Variants in CDKAL1 observed in about 807,000 individuals in gnomAD.
The protein encoded by CDKAL1 is CDKAL1 threonylcarbamoyladenosine tRNA methylthiotransferase, also known as threonylcarbamoyladenosine tRNA methylthiotransferase.
In CDKAL1, 32 loss-of-function variants were observed where a neutral mutation model predicts 68.2. The ratio of observed to expected loss-of-function variants is 0.47; its 90% confidence interval spans 0.35 to 0.63. CDKAL1 has a LOEUF of 0.63. CDKAL1 is among the 30% of genes least tolerant of loss of function. CDKAL1 has a pLI of 0.00. For missense variants in CDKAL1, 606 were observed against 696.7 expected, an observed-to-expected ratio of 0.87 and a Z score of 1.47; for synonymous variants, 234 against 244.3, an observed-to-expected ratio of 0.96 and a Z score of 0.39.
At chr6:21,036,833 T>C (rs1483266398) in intron 11 of CDKAL1, among the ~76,000 whole-genome samples, 1 of 152,194 alleles carries the variant, frequency 6.6e-6, no homozygotes, top group African/African-American at 2.4e-5. Context: ...GTGACATCTG[T>C]CAATTCATCA....
chr6:21,045,360 C>T (rs1770166945), intron 11 of CDKAL1, among the ~76,000 whole-genome samples: 1 of 152,182 alleles, frequency 6.6e-6, no homozygotes, highest in Admixed American at 6.5e-5. Context: ...ATCAGTGCTA[C>T]TTTCTAGACC....
In CDKAL1 at chr6:20,865,406, C is replaced by T. The variant is rs891366450; in HGVS notation, c.742+19228C>T. On this transcript the variant is annotated intron_variant, in intron 9 of 15. Coordinates refer to ENST00000274695, the MANE Select transcript of CDKAL1 (RefSeq NM_017774.3). The stretch of plus-strand genomic sequence containing the variant: ...GAATGGTGGCCCTGACAATATTTCC[C>T]CAGACCTCAGTTTCGTTGTCCATAG... Among the ~76,000 whole-genome samples, 3 of 152,162 alleles carry T rather than the reference C, an allele frequency of 2.0e-5. No homozygotes were observed. In the East Asian group the frequency reaches 5.8e-4, roughly 29 times the overall value.
intron 12 of CDKAL1, among the ~76,000 whole-genome samples, chr6:21,091,832 A>C (rs1440704190): frequency 1.3e-5 from 2 of 148,464 alleles, no homozygotes; most frequent in African/African-American, 5.0e-5. Context: ...ATACTTGACA[A>C]ATGCAGCAAC....
At chr6:20,610,891 G>C (rs1196794934) in intron 4 of CDKAL1, among the ~76,000 whole-genome samples, 2 of 152,118 alleles carry the variant, frequency 1.3e-5, no homozygotes, top group Non-Finnish European at 2.9e-5. Flanking sequence ...TTAGAGACAG[G>C]ATCTTGAACT....
rs1778615310 is a variant in CDKAL1 at position 21,199,770 on chromosome 6, A to C, written c.1384-1340A>C. 1.3e-5 allele frequency among the ~76,000 whole-genome samples: 2 copies of C among 152,216 alleles called. 1 individual carries two copies. The highest frequency in any genetic ancestry group is 4.1e-4 in the South Asian group (2 of 4,830). On this transcript the variant is annotated intron_variant, in intron 14 of 15. Coordinates refer to ENST00000274695, the MANE Select transcript of CDKAL1 (RefSeq NM_017774.3). ...GGTCTAGAGATTTTCTTATTTTATA[A>C]AAACTGATTTAAATGGGCTTTTTAT...
intron 15 of CDKAL1, among the ~76,000 whole-genome samples, chr6:21,221,903 C>A (rs148879522): frequency 5.3e-5 from 8 of 152,214 alleles, no homozygotes; most frequent in African/African-American, 1.9e-4. Flanking sequence ...GGGCAGATGC[C>A]AAGCTTTGTT....
chr6:20,560,055 A>G (rs547562161), intron 4 of CDKAL1, among the ~76,000 whole-genome samples: 4 of 152,274 alleles, frequency 2.6e-5, no homozygotes, highest in South Asian at 2.1e-4. Flanking sequence ...TTGGCCTTCA[A>G]TTTAAAATTG....
At chr6:20,566,845 G>A (rs964075722) in intron 4 of CDKAL1, among the ~76,000 whole-genome samples, 5 of 152,040 alleles carry the variant, frequency 3.3e-5, no homozygotes, top group African/African-American at 1.2e-4. Context: ...ATAGATGGGA[G>A]AACTCAACTG....
chr6:21,104,555 T>C (rs1295982939), intron 12 of CDKAL1, among the ~76,000 whole-genome samples: 9 of 151,876 alleles, frequency 5.9e-5, no homozygotes, highest in Non-Finnish European at 1.2e-4. Flanking sequence ...TCAGATTGGC[T>C]ATGGGGCCAT....
intron 4 of CDKAL1, among the ~76,000 whole-genome samples, chr6:20,591,971 A>G (rs1473203989): frequency 1.3e-5 from 2 of 152,120 alleles, no homozygotes; most frequent in South Asian, 2.1e-4. Context: ...TAGTATGGCC[A>G]TTTTCATGAT....
At chr6:20,850,997 T>G (rs1758979116) in intron 9 of CDKAL1, among the ~76,000 whole-genome samples, 1 of 138,260 alleles carries the variant, frequency 7.2e-6, no homozygotes. Context: ...TGTATATAAA[T>G]TACATCTTAC....
intron 12 of CDKAL1, among the ~76,000 whole-genome samples, chr6:21,086,820 G>A (rs1330396237): frequency 6.6e-6 from 1 of 152,068 alleles, no homozygotes; most frequent in African/African-American, 2.4e-5. Flanking sequence ...TAGAAGACAG[G>A]AGAAAAACAG....
chr6:20,682,426 T>C lies in CDKAL1; in HGVS notation c.371+33049T>C, dbSNP rs77861137. Among the ~76,000 whole-genome samples, 1,440 of 152,238 alleles carry C rather than the reference T, an allele frequency of 9.5e-3. 15 individuals carry two copies. The highest frequency in any genetic ancestry group is 0.032 in the African/African-American group (1,349 of 41,546). ...TTTAATTGACCCAGGGTTCCACAGCTGGTATAGGAAGCATGGCTGGAGAGG... is the reference window on the plus strand; with the variant it reads ...TTTAATTGACCCAGGGTTCCACAGCCGGTATAGGAAGCATGGCTGGAGAGG... On this transcript the variant is annotated intron_variant, in intron 5 of 15. Transcript: ENST00000274695.
intron 9 of CDKAL1, among the ~76,000 whole-genome samples, chr6:20,947,622 A>G (rs1012541274): frequency 1.6e-4 from 24 of 152,104 alleles, no homozygotes; most frequent in Non-Finnish European, 7.4e-5. Context: ...AAGAAAGAAA[A>G]GAAAAAGAAA....
intron 5 of CDKAL1, among the ~76,000 whole-genome samples, chr6:20,703,470 C>A (rs566905181): frequency 6.6e-6 from 1 of 152,194 alleles, no homozygotes; most frequent in Non-Finnish European, 1.5e-5. Context: ...AAACCCAACT[C>A]TTTTATGTGC....
chr6:21,102,582 T>C (rs950285836), intron 12 of CDKAL1, among the ~76,000 whole-genome samples: 1 of 152,196 alleles, frequency 6.6e-6, no homozygotes, highest in African/African-American at 2.4e-5. Context: ...TTTGTTGTTT[T>C]CATCTTGCAC....
At chr6:21,228,456 T>TA (rs1779833582) in intron 15 of CDKAL1, among the ~76,000 whole-genome samples, 1 of 152,168 alleles carries the variant, frequency 6.6e-6, no homozygotes, top group Non-Finnish European at 1.5e-5. Context: ...ACACCACACT[T>TA]ATAAAGTGAT....
intron 9 of CDKAL1, among the ~76,000 whole-genome samples, chr6:20,920,311 G>A (rs567533144): frequency 1.3e-5 from 2 of 152,226 alleles, no homozygotes; most frequent in Admixed American, 6.5e-5. Flanking sequence ...AGTAAGAAGT[G>A]CAGACTGAGT....
intron 14 of CDKAL1, among the ~76,000 whole-genome samples, chr6:21,198,677 G>T (rs1298268270): frequency 6.6e-6 from 1 of 152,200 alleles, no homozygotes; most frequent in African/African-American, 2.4e-5. Flanking sequence ...CAACTGTGCA[G>T]ACCAGTGTGA....
Sources: allele counts gnomAD v4.1 joint callset (sites outside exome capture counted in the v4.1 genomes callset), GRCh38; gene constraint gnomAD v4.1.1; transcripts MANE v1.5; gene names NCBI Gene and HGNC (gene_info 2026-07-23, HGNC 2026-07-21).